The following KCNT2 variants were observed in gnomAD, a reference collection of about 807,000 sequenced individuals.
The protein encoded by KCNT2 is potassium sodium-activated channel subfamily T member 2.
KCNT2 carries 67 observed loss-of-function variants against 153.8 expected under a neutral mutation model. That is an observed-to-expected ratio of 0.44 (90% CI 0.36 to 0.53). The LOEUF (loss-of-function observed/expected upper bound fraction) is 0.53. Ranked by LOEUF, KCNT2 falls within the 20% of genes least tolerant of loss-of-function variation. The probability of loss-of-function intolerance (pLI) is 0.00; values close to 1 mark genes in which losing one functional copy is unlikely to be tolerated. For missense variants in KCNT2, 975 were observed against 1,354.8 expected (o/e 0.72, Z 4.40); for synonymous variants, 500 against 458.8 (o/e 1.09, Z -1.15).
At position 196,557,394 on chromosome 1, in the gene KCNT2, T is replaced by A. The variant is rs938485244; in HGVS notation, c.95+50821A>T. On this transcript the variant is annotated intron_variant, in intron 1 of 27. Transcript: ENST00000294725. Reference sequence around the variant, plus strand: ...TAGTATTTGGATTTTTATCATAATTTTGAATGAGGATTTAAAAATCATAGC... The same window carrying A: ...TAGTATTTGGATTTTTATCATAATTATGAATGAGGATTTAAAAATCATAGC... Among the ~76,000 whole-genome samples the A allele has an allele frequency of 2.0e-5, 3 of 151,330 alleles. No homozygotes were observed. The South Asian group carries it at 6.2e-4, about 31-fold the overall frequency.
At chr1:196,512,080 C>T (rs1681679328) in intron 1 of KCNT2, among the ~76,000 whole-genome samples, 1 of 152,108 alleles carries the variant, frequency 6.6e-6, no homozygotes, top group Admixed American at 6.6e-5. Context: ...ATGCAGATAT[C>T]GGTTATCAGT....
chr1:196,382,468 C>A (rs568496221), intron 13 of KCNT2, among the ~76,000 whole-genome samples: 84 of 151,786 alleles, frequency 5.5e-4, no homozygotes, highest in African/African-American at 1.9e-3. Context: ...AGAAAGTATG[C>A]AGAATTTCGT....
At chr1:196,258,062 A>G in intron 26 of KCNT2, 132 bp downstream of exon 26, 1 of 1,443,302 alleles carries the variant, frequency 6.9e-7, no homozygotes, top group Non-Finnish European at 9.1e-7. Flanking sequence ...AGGAGATCAG[A>G]TGTATCACTA....
At chr1:196,273,393 AT>A in intron 25 of KCNT2, 1 of 933,692 alleles carries the variant, frequency 1.1e-6, no homozygotes, top group East Asian at 2.7e-5. Flanking sequence ...AATATTTAAT[AT>A]TATTTTTCTT....
intron 21 of KCNT2, among the ~76,000 whole-genome samples, chr1:196,310,269 T>C (rs1279132966): frequency 6.6e-6 from 1 of 151,842 alleles, no homozygotes; most frequent in African/African-American, 2.4e-5. Flanking sequence ...TAATAGGAGG[T>C]ATACAGACAC....
At chr1:196,353,737 G>A (rs928115919) in intron 14 of KCNT2, among the ~76,000 whole-genome samples, 4 of 151,916 alleles carry the variant, frequency 2.6e-5, no homozygotes, top group Admixed American at 2.6e-4. Context: ...TCAACCAAGT[G>A]GAATAAGGGC....
rs1244918191 is a variant in KCNT2 at position 196,428,087 on chromosome 1, A to G, written c.984+18T>C. ...GTAGGTATGATCCAGTATAGCACAT[A>G]ATATAAGCCAAATGTACCTGGAGCC... On this transcript the variant is annotated intron_variant, in intron 10 of 27. Coordinates refer to ENST00000294725, the MANE Select transcript of KCNT2 (RefSeq NM_198503.5). The G allele has an allele frequency of 1.9e-6, 3 of 1,602,344 alleles. No homozygotes were observed. The highest frequency in any genetic ancestry group is 3.3e-5 in the Admixed American group (2 of 59,878).
rs1045408112 is a variant in KCNT2 at position 196,534,072 on chromosome 1, CA to C, written c.96-41732del. Among the ~76,000 whole-genome samples, 17 of 150,476 alleles carry C rather than the reference CA, an allele frequency of 1.1e-4. 1 individual carries two copies. The highest frequency in any genetic ancestry group is 3.9e-4 in the African/African-American group (16 of 40,888). ...GTCCAGTATTCTTGCATTCAGTGCA[CA>C]AAAACTTGGAAGGTAATAGATTGGT... On this transcript the variant is annotated intron_variant, in intron 1 of 27. Coordinates refer to ENST00000294725, the MANE Select transcript of KCNT2 (RefSeq NM_198503.5).
intron 26 of KCNT2, among the ~76,000 whole-genome samples, chr1:196,251,978 C>G (rs1290301670): frequency 6.6e-6 from 1 of 151,582 alleles, no homozygotes; most frequent in African/African-American, 2.4e-5. Flanking sequence ...ACATATATGG[C>G]GTTTTGCTTT....
intron 1 of KCNT2, among the ~76,000 whole-genome samples, chr1:196,604,832 G>T (rs1322762653): frequency 6.6e-6 from 1 of 151,834 alleles, no homozygotes; most frequent in Non-Finnish European, 1.5e-5. Context: ...ATGCATATCT[G>T]TTACATATAC....
At position 196,236,439 on chromosome 1, in the gene KCNT2, C is replaced by A. The variant is rs1040300193; in HGVS notation, c.3212-369G>T. On this transcript the variant is annotated intron_variant, in intron 26 of 27. Transcript: ENST00000294725. Reference sequence around the variant, plus strand: ...AAAAAATAATCATGGTTATAGATAACAATCCTAGAAAAGAATATCCACACA... The same window carrying A: ...AAAAAATAATCATGGTTATAGATAAAAATCCTAGAAAAGAATATCCACACA... Among the ~76,000 whole-genome samples, 13 of 151,434 alleles carry A rather than the reference C, an allele frequency of 8.6e-5. No individual in the cohort carries two copies. In the South Asian group the frequency reaches 1.9e-3, roughly 22 times the overall value.
At chr1:196,496,515 T>C (rs1680272177) in intron 1 of KCNT2, among the ~76,000 whole-genome samples, 1 of 150,504 alleles carries the variant, frequency 6.6e-6, no homozygotes, top group Admixed American at 6.6e-5. Context: ...AATTTCACCA[T>C]AGGCTAATTG....
intron 12 of KCNT2, among the ~76,000 whole-genome samples, chr1:196,411,694 A>C (rs1450501825): frequency 6.6e-6 from 1 of 151,792 alleles, no homozygotes; most frequent in East Asian, 1.9e-4. Context: ...GTTAGTGCAT[A>C]GGAATGCAAA....
At chr1:196,564,395 T>C (rs1659824129) in intron 1 of KCNT2, among the ~76,000 whole-genome samples, 1 of 151,826 alleles carries the variant, frequency 6.6e-6, no homozygotes, top group African/African-American at 2.4e-5. Context: ...TGGAATATAA[T>C]AATTAATATT....
At chr1:196,593,295 AAT>A (rs200795914) in intron 1 of KCNT2, among the ~76,000 whole-genome samples, 5 of 128,820 alleles carry the variant, frequency 3.9e-5, no homozygotes, top group African/African-American at 1.4e-4. Context: ...TCATATATAT[AAT>A]ATATATATAT....
chr1:196,263,889 C>T (rs1657267983), intron 25 of KCNT2, among the ~76,000 whole-genome samples: 1 of 152,048 alleles, frequency 6.6e-6, no homozygotes, highest in African/African-American at 2.4e-5. Flanking sequence ...TTTAAATGTA[C>T]ACATTAACTT....
In KCNT2 at chr1:196,547,808, C is replaced by T. The variant is rs144284657; in HGVS notation, c.96-55467G>A. On this transcript the variant is annotated intron_variant, in intron 1 of 27. Coordinates refer to ENST00000294725, the MANE Select transcript of KCNT2 (RefSeq NM_198503.5). ...ATTTATAATTTGAAAAAAAGCAATA[C>T]ATCTTCTTTTAGAAAATTGTTAGTA... Among the ~76,000 whole-genome samples the T allele has an allele frequency of 5.2e-4, 79 of 151,552 alleles. 3 individuals are homozygous for T. The East Asian group carries it at 0.014, about 28-fold the overall frequency.
chr1:196,451,217 C>CTATTT (rs1676135727), intron 8 of KCNT2, among the ~76,000 whole-genome samples: 2 of 63,548 alleles, frequency 3.1e-5, no homozygotes, highest in African/African-American at 9.4e-5. Context: ...ATCCCTCTTT[C>CTATTT]TTTTTTTTTT....
intron 5 of KCNT2, among the ~76,000 whole-genome samples, chr1:196,476,624 A>C (rs1038165863): frequency 6.6e-6 from 1 of 152,072 alleles, no homozygotes; most frequent in Non-Finnish European, 1.5e-5. Flanking sequence ...TTGATCCACG[A>C]CTTTCCACCT....
Sources: gnomAD v4.1 joint callset for allele counts (sites outside exome capture counted in the v4.1 genomes callset) on GRCh38, gnomAD v4.1.1 for gene constraint, MANE v1.5 for transcripts, NCBI Gene and HGNC (gene_info 2026-07-23, HGNC 2026-07-21) for gene names.